Variants in NKAIN2 observed in about 807,000 individuals in gnomAD.
The protein encoded by NKAIN2 is sodium/potassium-transporting ATPase subunit beta-1-interacting protein 2.
NKAIN2 carries 14 observed loss-of-function variants against 32.6 expected under a neutral mutation model. That is an observed-to-expected ratio of 0.43 (90% CI 0.28 to 0.67). The LOEUF (loss-of-function observed/expected upper bound fraction) is 0.67. NKAIN2 is among the 30% of genes least tolerant of loss of function. NKAIN2 has a pLI of 0.17. For synonymous variants in NKAIN2, 80 were observed against 87.2 expected (o/e 0.92, Z 0.46); for missense variants, 198 against 258.3 (o/e 0.77, Z 1.60).
At chr6:124,082,791 A>G (rs1460834452) in intron 1 of NKAIN2, among the ~76,000 whole-genome samples, 1 of 152,054 alleles carries the variant, frequency 6.6e-6, no homozygotes, top group East Asian at 1.9e-4. Flanking sequence ...TACAAAATAG[A>G]AATCAATCCA....
At chr6:124,369,603 A>G (rs1014356005) in intron 3 of NKAIN2, among the ~76,000 whole-genome samples, 8 of 152,078 alleles carry the variant, frequency 5.3e-5, no homozygotes, top group Non-Finnish European at 1.2e-4. Context: ...GATCCCCAAG[A>G]CAATTACTTT....
intron 1 of NKAIN2, among the ~76,000 whole-genome samples, chr6:124,267,187 C>A (rs1163472431): frequency 6.6e-6 from 1 of 152,116 alleles, no homozygotes. Context: ...GATTGTCAAG[C>A]AAGGACAAAT....
At chr6:124,351,368 G>A (rs1403312327) in intron 2 of NKAIN2, among the ~76,000 whole-genome samples, 1 of 151,968 alleles carries the variant, frequency 6.6e-6, no homozygotes, top group Non-Finnish European at 1.5e-5. Context: ...AGCCAGGCAT[G>A]GTGATGCATG....
chr6:123,881,909 T>G (rs1773475798), intron 1 of NKAIN2, among the ~76,000 whole-genome samples: 1 of 152,168 alleles, frequency 6.6e-6, no homozygotes, highest in Non-Finnish European at 1.5e-5. Context: ...GTGCATTACC[T>G]AAAATTCAAT....
intron 1 of NKAIN2, among the ~76,000 whole-genome samples, chr6:124,201,879 A>G (rs1790610220): frequency 6.6e-6 from 1 of 152,042 alleles, no homozygotes. Flanking sequence ...ATAACTTCAA[A>G]TAGGATAAGA....
intron 1 of NKAIN2, among the ~76,000 whole-genome samples, chr6:123,977,086 A>G (rs986902067): frequency 2.6e-5 from 4 of 152,206 alleles, no homozygotes; most frequent in South Asian, 2.1e-4. Context: ...GATCCTCCCA[A>G]CTAAGCCTCT....
chr6:124,133,031 G>T (rs549478207), intron 1 of NKAIN2, among the ~76,000 whole-genome samples: 1 of 152,264 alleles, frequency 6.6e-6, no homozygotes, highest in South Asian at 2.1e-4. Context: ...AGTACTGGGC[G>T]CAGGAGGGAA....
intron 1 of NKAIN2, among the ~76,000 whole-genome samples, chr6:123,848,677 T>C (rs1321022918): frequency 1.3e-5 from 2 of 152,212 alleles, no homozygotes; most frequent in African/African-American, 4.8e-5. Context: ...GAGAATGGAC[T>C]GATACACTGC....
chr6:123,970,021 A>T (rs1778263648), intron 1 of NKAIN2, among the ~76,000 whole-genome samples: 1 of 152,236 alleles, frequency 6.6e-6, no homozygotes, highest in African/African-American at 2.4e-5. Flanking sequence ...TATCAAATAC[A>T]TAATTTTAAA....
At chr6:124,694,498 A>T (rs1774402052) in intron 4 of NKAIN2, among the ~76,000 whole-genome samples, 1 of 152,148 alleles carries the variant, frequency 6.6e-6, no homozygotes, top group African/African-American at 2.4e-5. Flanking sequence ...GAATCCATTT[A>T]TTGTTGCCAT....
At chr6:124,315,814 A>G (rs1796926149) in intron 2 of NKAIN2, among the ~76,000 whole-genome samples, 1 of 152,176 alleles carries the variant, frequency 6.6e-6, no homozygotes, top group African/African-American at 2.4e-5. Flanking sequence ...TGCAGGATAT[A>G]TTATCATTAA....
intron 3 of NKAIN2, among the ~76,000 whole-genome samples, chr6:124,539,339 TCCTGCTG>T (rs1487159712): frequency 6.6e-6 from 1 of 152,242 alleles, no homozygotes; most frequent in East Asian, 1.9e-4. Context: ...ATAATATCTC[TCCTGCTG>T]CCTTCATTCT....
At chr6:124,024,753 C>T (rs149534411) in intron 1 of NKAIN2, among the ~76,000 whole-genome samples, 332 of 152,078 alleles carry the variant, frequency 2.2e-3, no homozygotes, top group Non-Finnish European at 3.7e-3. Flanking sequence ...CTTTGGGAGG[C>T]GGAAGTGGGT....
chr6:124,619,577 T>G (rs1250865128), intron 3 of NKAIN2, among the ~76,000 whole-genome samples: 1 of 152,160 alleles, frequency 6.6e-6, no homozygotes, highest in Non-Finnish European at 1.5e-5. Context: ...CTTACATGTT[T>G]GTAAAGTCCT....
intron 1 of NKAIN2, among the ~76,000 whole-genome samples, chr6:123,841,534 C>G (rs1471783944): frequency 6.6e-6 from 1 of 152,196 alleles, no homozygotes; most frequent in Non-Finnish European, 1.5e-5. Flanking sequence ...TGGTAATTTA[C>G]ACCTCATAAC....
At chr6:123,902,301 G>A (rs867423782) in intron 1 of NKAIN2, among the ~76,000 whole-genome samples, 4 of 152,188 alleles carry the variant, frequency 2.6e-5, no homozygotes, top group South Asian at 4.1e-4. Flanking sequence ...CTGTGAGGAT[G>A]GAAGTTTTTG....
intron 4 of NKAIN2, among the ~76,000 whole-genome samples, chr6:124,707,877 T>C (rs1230763681): frequency 1.3e-5 from 2 of 152,248 alleles, no homozygotes; most frequent in Non-Finnish European, 2.9e-5. Flanking sequence ...TGTCTTTTGT[T>C]GCTATTGCTT....
intron 1 of NKAIN2, among the ~76,000 whole-genome samples, chr6:124,080,344 G>A (rs918749739): frequency 6.6e-6 from 1 of 152,116 alleles, no homozygotes; most frequent in Admixed American, 6.6e-5. Context: ...GCCTCTTGCA[G>A]TTTCTTCTGG....
chr6:124,759,037 A>C lies in NKAIN2; in HGVS notation c.475-32302A>C, dbSNP rs550353386. Among the ~76,000 whole-genome samples, 7 of 152,238 alleles carry C rather than the reference A, an allele frequency of 4.6e-5. No individual in the cohort carries two copies. In the South Asian group the frequency reaches 1.2e-3, roughly 27 times the overall value. ...GTCATATATCCTATTTCACTTCCTT[A>C]ACGCTATTCATTTTTGCCACATGTA... On this transcript the variant is annotated intron_variant, in intron 4 of 6. Transcript: ENST00000368417.
Sources: allele counts gnomAD v4.1 joint callset (sites outside exome capture counted in the v4.1 genomes callset), GRCh38; gene constraint gnomAD v4.1.1; transcripts MANE v1.5; gene names NCBI Gene and HGNC (gene_info 2026-07-23, HGNC 2026-07-21).